GRM1: variants seen among roughly 807,000 people sequenced by gnomAD.
GRM1 encodes the protein glutamate metabotropic receptor 1.
GRM1 carries 33 observed loss-of-function variants against 90.9 expected under a neutral mutation model. The ratio of observed to expected loss-of-function variants is 0.36; its 90% CI spans 0.28 to 0.49. The LOEUF is 0.49. Among genes scored for constraint, GRM1 ranks in the 20% least tolerant of loss-of-function variants. The probability of loss-of-function intolerance (pLI) is 0.99; values close to 1 mark genes in which losing one functional copy is unlikely to be tolerated. For missense variants in GRM1, 1,190 were observed against 1,534.3 expected (o/e 0.78, Z 3.75); for synonymous variants, 700 against 613.2 (o/e 1.14, Z -2.09).
intron 1 of GRM1, among the ~76,000 whole-genome samples, chr6:146,115,823 A>C (rs1259209660): frequency 3.9e-5 from 6 of 152,036 alleles, no homozygotes; most frequent in Non-Finnish European, 7.4e-5. Flanking sequence ...TTTTGAGATT[A>C]TTTTCTTGTA....
intron 2 of GRM1, among the ~76,000 whole-genome samples, chr6:146,225,267 A>G (rs1219185056): frequency 1.3e-5 from 2 of 152,108 alleles, no homozygotes; most frequent in Non-Finnish European, 2.9e-5. Flanking sequence ...TATGGTAGCT[A>G]AAAAGATTAA....
At chr6:146,156,382 G>C (rs1273241368) in intron 1 of GRM1, among the ~76,000 whole-genome samples, 1 of 152,134 alleles carries the variant, frequency 6.6e-6, no homozygotes, top group South Asian at 2.1e-4. Context: ...CTCCAGCCTG[G>C]GCGACCAAGA....
At chr6:146,227,318 A>G (rs1416778173) in intron 2 of GRM1, among the ~76,000 whole-genome samples, 1 of 152,038 alleles carries the variant, frequency 6.6e-6, no homozygotes, top group African/African-American at 2.4e-5. Flanking sequence ...ATGAACCTAC[A>G]TTGACACATC....
At chr6:146,388,439 T>C (rs1583426215) in intron 6 of GRM1, among the ~76,000 whole-genome samples, 1 of 151,950 alleles carries the variant, frequency 6.6e-6, no homozygotes, top group African/African-American at 2.4e-5. Flanking sequence ...TTATTCAGAG[T>C]ACATAAAAAA....
At chr6:146,277,221 G>T (rs1782406347) in intron 2 of GRM1, among the ~76,000 whole-genome samples, 1 of 152,188 alleles carries the variant, frequency 6.6e-6, no homozygotes, top group African/African-American at 2.4e-5. Context: ...TCAGGAAAGG[G>T]TTAATTTGTT....
intron 2 of GRM1, among the ~76,000 whole-genome samples, chr6:146,177,623 C>T (rs1778381954): frequency 6.6e-6 from 1 of 152,090 alleles, no homozygotes; most frequent in South Asian, 2.1e-4. Flanking sequence ...GCATTCCTTT[C>T]TCAGTTATCA....
chr6:146,197,937 A>T (rs1233766288), intron 2 of GRM1, among the ~76,000 whole-genome samples: 1 of 152,244 alleles, frequency 6.6e-6, no homozygotes, highest in Non-Finnish European at 1.5e-5. Context: ...ATAGTTAGCA[A>T]TACAGTATTG....
At chr6:146,114,160 G>A (rs1339345545) in intron 1 of GRM1, among the ~76,000 whole-genome samples, 1 of 152,130 alleles carries the variant, frequency 6.6e-6, no homozygotes, top group Non-Finnish European at 1.5e-5. Flanking sequence ...TGGAAAAGAT[G>A]ATCTCATTTA....
chr6:146,227,635 A>G (rs1362001378), intron 2 of GRM1, among the ~76,000 whole-genome samples: 1 of 152,192 alleles, frequency 6.6e-6, no homozygotes, highest in African/African-American at 2.4e-5. Flanking sequence ...TAATCTATCA[A>G]TGCTTCATAT....
intron 2 of GRM1, among the ~76,000 whole-genome samples, chr6:146,301,078 C>CT (rs1052232023): frequency 6.6e-6 from 1 of 152,114 alleles, no homozygotes; most frequent in African/African-American, 2.4e-5. Flanking sequence ...ATAGCATTCT[C>CT]TAACACCTTA....
chr6:146,153,500 T>G (rs979444124), intron 1 of GRM1, among the ~76,000 whole-genome samples: 3 of 152,190 alleles, frequency 2.0e-5, no homozygotes, highest in African/African-American at 7.2e-5. Context: ...TTAGGTATCA[T>G]GAGAGAAATG....
At chr6:146,037,299 T>C (rs543686214) in intron 1 of GRM1, among the ~76,000 whole-genome samples, 23 of 152,036 alleles carry the variant, frequency 1.5e-4, no homozygotes, top group African/African-American at 5.3e-4. Flanking sequence ...AAAATGAAAT[T>C]CATGATTAAG....
intron 3 of GRM1, among the ~76,000 whole-genome samples, chr6:146,319,604 G>T (rs147276484): frequency 0.12 from 18,068 of 152,160 alleles, 1,339 homozygotes; most frequent in South Asian, 0.2. Flanking sequence ...CCATGAGCAT[G>T]GGATGTTTTT....
At chr6:146,322,252 G>A (rs1336205155) in intron 3 of GRM1, among the ~76,000 whole-genome samples, 2 of 152,194 alleles carry the variant, frequency 1.3e-5, no homozygotes, top group African/African-American at 4.8e-5. Context: ...AAAGATTGCT[G>A]TCTATTCCTT....
chr6:146,390,532 G>C (rs1776678134), intron 6 of GRM1, among the ~76,000 whole-genome samples: 1 of 150,582 alleles, frequency 6.6e-6, no homozygotes, highest in Admixed American at 6.6e-5. Context: ...TTTATTTGTA[G>C]AAGTAAAATA....
intron 7 of GRM1, among the ~76,000 whole-genome samples, chr6:146,405,622 T>G (rs1777317629): frequency 6.6e-6 from 1 of 152,196 alleles, no homozygotes; most frequent in Admixed American, 6.5e-5. Context: ...TGCTGTGTGC[T>G]CACATGACTT....
chr6:146,101,562 G>A (rs951304758), intron 1 of GRM1, among the ~76,000 whole-genome samples: 4 of 152,012 alleles, frequency 2.6e-5, no homozygotes, highest in Admixed American at 1.3e-4. Context: ...TTTCCAACCT[G>A]CTGCGATTTG....
intron 1 of GRM1, among the ~76,000 whole-genome samples, chr6:146,122,049 AT>A (rs1224225623): frequency 1.3e-5 from 2 of 152,146 alleles, no homozygotes; most frequent in Non-Finnish European, 2.9e-5. Context: ...GTCTCCCATT[AT>A]TATTGTGTGG....
At chr6:146,062,834 AC>A (rs1775720714) in intron 1 of GRM1, among the ~76,000 whole-genome samples, 1 of 151,108 alleles carries the variant, frequency 6.6e-6, no homozygotes, top group Non-Finnish European at 1.5e-5. Context: ...CTGCTTGAAA[AC>A]CTCATTTTTG....
Sources: gnomAD v4.1 joint callset for allele counts (sites outside exome capture counted in the v4.1 genomes callset) on GRCh38, gnomAD v4.1.1 for gene constraint, MANE v1.5 for transcripts, NCBI Gene and HGNC (gene_info 2026-07-23, HGNC 2026-07-21) for gene names.